Variants in EYS observed in about 807,000 individuals in gnomAD.
EYS encodes protein eyes shut homolog.
In EYS, 250 loss-of-function variants were observed where a neutral mutation model predicts 282.1. The ratio of observed to expected loss-of-function variants is 0.89; its 90% CI spans 0.80 to 0.98. The LOEUF (loss-of-function observed/expected upper bound fraction) is 0.98. Among genes scored for constraint, EYS ranks in the 50% least tolerant of loss-of-function variants. The probability of loss-of-function intolerance (pLI) is 0.00; values close to 1 mark genes in which losing one functional copy is unlikely to be tolerated. For missense variants in EYS, 4,016 were observed against 3,709.0 expected (o/e 1.08, Z -2.15); for synonymous variants, 1,355 against 1,282.9 (o/e 1.06, Z -1.20).
intron 13 of EYS, among the ~76,000 whole-genome samples, chr6:65,020,214 C>T (rs1184556328): frequency 3.3e-5 from 5 of 152,130 alleles, no homozygotes; most frequent in Non-Finnish European, 7.4e-5. Flanking sequence ...AGCATTAACT[C>T]AAAAGTCCAA....
intron 26 of EYS, among the ~76,000 whole-genome samples, chr6:64,560,180 A>G (rs1279652265): frequency 6.6e-6 from 1 of 151,934 alleles, no homozygotes; most frequent in Non-Finnish European, 1.5e-5. Flanking sequence ...TTTTTTACAT[A>G]TATGTTAAAT....
At chr6:63,964,550 C>T (rs1766216672) in intron 35 of EYS, among the ~76,000 whole-genome samples, 1 of 152,132 alleles carries the variant, frequency 6.6e-6, no homozygotes, top group South Asian at 2.1e-4. Flanking sequence ...ATATGCAAAA[C>T]ATGCTTTCTT....
chr6:64,343,373 C>T (rs1771217503), intron 29 of EYS, among the ~76,000 whole-genome samples: 1 of 152,104 alleles, frequency 6.6e-6, no homozygotes, highest in South Asian at 2.1e-4. Flanking sequence ...GACCACAGTG[C>T]AATCAAACTA....
intron 41 of EYS, among the ~76,000 whole-genome samples, chr6:63,747,076 A>G (rs529196773): frequency 1.6e-4 from 25 of 152,328 alleles, no homozygotes; most frequent in African/African-American, 6.0e-4. Flanking sequence ...ATTTAGTGCT[A>G]TAAATTTCCC....
intron 12 of EYS, among the ~76,000 whole-genome samples, chr6:65,159,323 G>T (rs1433277208): frequency 6.6e-6 from 1 of 150,688 alleles, no homozygotes; most frequent in Non-Finnish European, 1.5e-5. Flanking sequence ...CCTGGCAGTG[G>T]GCATTCTAAA....
intron 2 of EYS, among the ~76,000 whole-genome samples, chr6:65,639,344 A>G (rs1053289688): frequency 2.0e-5 from 3 of 152,132 alleles, no homozygotes; most frequent in East Asian, 1.9e-4. Flanking sequence ...TAGGGAAGTA[A>G]TAAAGGGTCA....
chr6:65,338,026 T>A (rs1770052194), intron 10 of EYS, among the ~76,000 whole-genome samples: 1 of 151,156 alleles, frequency 6.6e-6, no homozygotes, highest in African/African-American at 2.4e-5. Context: ...TTCTCTTGGC[T>A]ATACCTCAAA....
chr6:65,659,067 T>G (rs1339506655), intron 1 of EYS, among the ~76,000 whole-genome samples: 2 of 151,712 alleles, frequency 1.3e-5, no homozygotes, highest in African/African-American at 4.8e-5. Flanking sequence ...TTTTTGTAGT[T>G]AATTTAAATC....
At chr6:63,959,255 GA>G (rs1156655449) in intron 35 of EYS, among the ~76,000 whole-genome samples, 1 of 151,992 alleles carries the variant, frequency 6.6e-6, no homozygotes, top group Admixed American at 6.6e-5. Context: ...CAACAAACAT[GA>G]AAAAAAGTTC....
intron 30 of EYS, among the ~76,000 whole-genome samples, chr6:64,290,481 T>C (rs1768662863): frequency 6.6e-6 from 1 of 152,128 alleles, no homozygotes; most frequent in Admixed American, 6.6e-5. Flanking sequence ...CAGCCTACAT[T>C]AGTTTGTATA....
chr6:65,097,364 A>G (rs1352850023), intron 12 of EYS, among the ~76,000 whole-genome samples: 1 of 149,424 alleles, frequency 6.7e-6, no homozygotes, highest in South Asian at 2.1e-4. Context: ...GTGAGGATGT[A>G]GTGAAATTGG....
At chr6:64,164,967 T>G (rs1764237430) in intron 31 of EYS, among the ~76,000 whole-genome samples, 1 of 152,120 alleles carries the variant, frequency 6.6e-6, no homozygotes, top group African/African-American at 2.4e-5. Flanking sequence ...TTTGCATCTT[T>G]CACTCTCTGA....
At chr6:65,289,467 A>G (rs1351051932) in intron 12 of EYS, among the ~76,000 whole-genome samples, 3 of 151,154 alleles carry the variant, frequency 2.0e-5, no homozygotes, top group African/African-American at 7.3e-5. Flanking sequence ...ACTACTCCCA[A>G]ATATGTGGAT....
At chr6:65,429,630 G>T (rs1767800425) in intron 5 of EYS, among the ~76,000 whole-genome samples, 1 of 152,002 alleles carries the variant, frequency 6.6e-6, no homozygotes, top group Non-Finnish European at 1.5e-5. Flanking sequence ...CAACCCTCCA[G>T]ATTACACACT....
chr6:64,464,154 C>A (rs1157204271), intron 26 of EYS, among the ~76,000 whole-genome samples: 1 of 152,152 alleles, frequency 6.6e-6, no homozygotes, highest in Non-Finnish European at 1.5e-5. Flanking sequence ...CTACCCAAAT[C>A]TACAATTGTG....
intron 12 of EYS, among the ~76,000 whole-genome samples, chr6:65,213,242 C>T (rs187282653): frequency 3.8e-4 from 58 of 152,246 alleles, no homozygotes; most frequent in African/African-American, 1.3e-3. Context: ...AACTGTCATC[C>T]GTGTGCGCAC....
intron 35 of EYS, among the ~76,000 whole-genome samples, chr6:63,927,172 C>A (rs1016380): frequency 0.32 from 49,211 of 151,920 alleles, 8,073 homozygotes; most frequent in Admixed American, 0.39. Context: ...AGTTTGTTTC[C>A]GCAGAAAAGT....
intron 1 of EYS, among the ~76,000 whole-genome samples, chr6:65,651,530 C>A (rs961914916): frequency 6.6e-6 from 1 of 151,902 alleles, no homozygotes; most frequent in African/African-American, 2.4e-5. Flanking sequence ...ATGTATATCT[C>A]CTATAAATAT....
intron 22 of EYS, among the ~76,000 whole-genome samples, chr6:64,671,864 A>G (rs1054924663): frequency 6.6e-6 from 1 of 152,182 alleles, no homozygotes; most frequent in African/African-American, 2.4e-5. Context: ...ACATGTCCAA[A>G]AACAACATTA....
Sources: gnomAD v4.1 joint callset for allele counts (sites outside exome capture counted in the v4.1 genomes callset) on GRCh38, gnomAD v4.1.1 for gene constraint, MANE v1.5 for transcripts, NCBI Gene and HGNC (gene_info 2026-07-23, HGNC 2026-07-21) for gene names.